Variants in ITPKB observed in about 807,000 individuals in gnomAD.
ITPKB encodes the protein IP3 3-kinase B.
A neutral mutation model predicts 69.4 loss-of-function variants in ITPKB; 13 were observed. The observed-to-expected ratio is 0.19, with a 90% CI of 0.12 to 0.30. ITPKB has a LOEUF of 0.30. ITPKB is among the 10% of genes least tolerant of loss of function. The pLI is 1.00. For missense variants in ITPKB, 1,240 were observed against 1,250.5 expected, an observed-to-expected ratio of 0.99 and a Z score of 0.13; for synonymous variants, 584 against 513.7, an observed-to-expected ratio of 1.14 and a Z score of -1.85.
At chr1:226,640,592 C>G (rs1316128566) in intron 5 of ITPKB, among the ~76,000 whole-genome samples, 1 of 152,182 alleles carries the variant, frequency 6.6e-6, no homozygotes, top group Non-Finnish European at 1.5e-5. Flanking sequence ...GTCGGCTGTT[C>G]TGACGGCTGG....
At chr1:226,670,012 T>A (rs1052663208) in intron 2 of ITPKB, among the ~76,000 whole-genome samples, 5 of 151,562 alleles carry the variant, frequency 3.3e-5, no homozygotes, top group Admixed American at 2.0e-4. Context: ...TAGCCTGGAC[T>A]AGAAGATGCA....
intron 2 of ITPKB, among the ~76,000 whole-genome samples, chr1:226,650,591 C>T (rs973112331): frequency 2.6e-5 from 4 of 152,232 alleles, no homozygotes; most frequent in South Asian, 2.1e-4. Context: ...CTCGTGGGGA[C>T]GCCCCTGCTC....
At chr1:226,674,229 T>G (rs566888873) in intron 2 of ITPKB, among the ~76,000 whole-genome samples, 4 of 151,986 alleles carry the variant, frequency 2.6e-5, no homozygotes, top group Admixed American at 2.6e-4. Context: ...TGAGACAGAG[T>G]CTCACTGTTG....
intron 2 of ITPKB, among the ~76,000 whole-genome samples, chr1:226,730,338 G>A (rs1277999340): frequency 6.6e-6 from 1 of 152,204 alleles, no homozygotes; most frequent in Non-Finnish European, 1.5e-5. Context: ...ATCCCAAACA[G>A]GCAGCTGCCA....
intron 2 of ITPKB, among the ~76,000 whole-genome samples, chr1:226,726,011 A>T (rs907291774): frequency 6.6e-6 from 1 of 152,182 alleles, no homozygotes; most frequent in African/African-American, 2.4e-5. Context: ...CTTTTTGTAA[A>T]AAAGCAAAGT....
intron 2 of ITPKB, among the ~76,000 whole-genome samples, chr1:226,721,820 T>C (rs1204570392): frequency 2.0e-5 from 3 of 146,792 alleles, no homozygotes; most frequent in African/African-American, 7.6e-5. Flanking sequence ...TTCTTTCTTT[T>C]TTTTTTTCTT....
intron 2 of ITPKB, among the ~76,000 whole-genome samples, chr1:226,719,878 G>A (rs1657191045): frequency 6.6e-6 from 1 of 152,226 alleles, no homozygotes; most frequent in Non-Finnish European, 1.5e-5. Flanking sequence ...TTCTCCCTGT[G>A]GGAGGCAGGC....
At chr1:226,718,272 C>T (rs1657143610) in intron 2 of ITPKB, among the ~76,000 whole-genome samples, 1 of 133,406 alleles carries the variant, frequency 7.5e-6, no homozygotes, top group East Asian at 2.2e-4. Context: ...CCAGCCTGAG[C>T]GACAGAGCAA....
intron 2 of ITPKB, among the ~76,000 whole-genome samples, chr1:226,685,191 GA>G (rs1392921070): frequency 6.6e-6 from 1 of 152,218 alleles, no homozygotes; most frequent in Non-Finnish European, 1.5e-5. Flanking sequence ...TCCATCTGCG[GA>G]CGCCCCTTTC....
At chr1:226,705,529 CAA>C (rs11290798) in intron 2 of ITPKB, among the ~76,000 whole-genome samples, 165 of 120,442 alleles carry the variant, frequency 1.4e-3, no homozygotes, top group Middle Eastern at 4.3e-3. Flanking sequence ...AACGCCATCT[CAA>C]AAAAAAAAAA....
chr1:226,657,835 G>A (rs1450863232), intron 2 of ITPKB, among the ~76,000 whole-genome samples: 1 of 152,160 alleles, frequency 6.6e-6, no homozygotes, highest in Non-Finnish European at 1.5e-5. Flanking sequence ...ATCTCTCTCG[G>A]ACCTGGGGCT....
intron 2 of ITPKB, among the ~76,000 whole-genome samples, chr1:226,689,854 A>C (rs1038336739): frequency 6.6e-6 from 1 of 152,102 alleles, no homozygotes; most frequent in East Asian, 1.9e-4. Flanking sequence ...CCCACTTATA[A>C]TAACATGCAG....
chr1:226,728,584 T>C (rs1657491690), intron 2 of ITPKB, among the ~76,000 whole-genome samples: 1 of 152,230 alleles, frequency 6.6e-6, no homozygotes, highest in Non-Finnish European at 1.5e-5. Flanking sequence ...TGGTGTGCAG[T>C]GTGCACTTCT....
rs543507825 is a variant in ITPKB, at chr1:226,677,068, G to C, written c.1933-28297C>G. Among the ~76,000 whole-genome samples the C allele has an allele frequency of 2.4e-4, 37 of 152,296 alleles. No individual in the cohort carries two copies. In the South Asian group the frequency reaches 3.3e-3, roughly 14 times the overall value. The stretch of plus-strand genomic sequence containing the variant: ...TCCTCCCAGAGCCCAGGCTAGCTTG[G>C]AAGCCTGGAGCAATTTGAAACGCCG... On this transcript the variant is annotated intron_variant, in intron 2 of 7. Coordinates refer to ENST00000429204, the MANE Select transcript of ITPKB (RefSeq NM_002221.4).
chr1:226,708,808 G>A (rs1656874034), intron 2 of ITPKB, among the ~76,000 whole-genome samples: 1 of 152,272 alleles, frequency 6.6e-6, no homozygotes, highest in Non-Finnish European at 1.5e-5. Context: ...CTACTGGGTT[G>A]CAGTTTTCTG....
At position 226,639,568 on chromosome 1, in the gene ITPKB, G is replaced by A. The variant is rs549936621; in HGVS notation, c.2542C>T (p.His848Tyr). The A allele has an allele frequency of 1.2e-6, 2 of 1,607,100 alleles. No individual in the cohort carries two copies. Among genetic ancestry groups the A allele is most frequent in the South Asian group, 2.2e-5 (2 of 90,920 alleles). ...GGTGCCAGACTCACCAGGATGTTAT[G>A]GTTTCCTTTAGTGAACTCTCTGAAG... The part of the protein sequence containing the change: ...EAFREFTKGN[H>Y]NILIAYRDRL... Residue 848 changes from histidine to tyrosine, a missense_variant, in exon 6 of 8, where the codon CAT becomes TAT. Around this residue, in one of 2 missense-constraint regions of ITPKB, gnomAD observed 248 missense variants for 396.7 expected, o/e 0.63. Transcript: ENST00000429204.
chr1:226,705,567 T>C (rs1417902690), intron 2 of ITPKB, among the ~76,000 whole-genome samples: 2 of 152,018 alleles, frequency 1.3e-5, no homozygotes, highest in African/African-American at 4.8e-5. Flanking sequence ...AGCTTCTGAT[T>C]TTCTCCCTCC....
Position 226,735,756 on chromosome 1 carries a change from G to C in ITPKB, c.1703C>G (p.Ala568Gly). Residue 568 changes from alanine (A) to glycine (G), a missense_variant, in exon 2 of 8, where the codon GCT (alanine) becomes GGT (glycine). Physicochemically the swap from Ala to Gly is moderately conservative, Grantham distance 60. Coordinates refer to ENST00000429204, the MANE Select transcript of ITPKB (RefSeq NM_002221.4). ...GGTGCCCATGTCTGTAATGATGACA[G>C]CAGGTATGTTGCTGGGGCTGCAGGC... ...RKACSPSNIP[A>G]VIITDMGTQE... 3 of 1,597,132 alleles carry C rather than the reference G, an allele frequency of 1.9e-6. No individual in the cohort carries two copies. Among genetic ancestry groups the C allele is most frequent in the Non-Finnish European group, 2.6e-6 (3 of 1,167,708 alleles).
Position 226,736,914 on chromosome 1 carries a change from C to T in ITPKB, c.545G>A (p.Ser182Asn), listed in dbSNP as rs1657795692. 3 of 1,610,484 alleles carry T rather than the reference C, an allele frequency of 1.9e-6. No homozygotes were observed. The highest frequency in any genetic ancestry group is 1.7e-6 in the Non-Finnish European group (2 of 1,180,006). Residue 182 changes from serine (S) to asparagine (N), a missense_variant, in exon 2 of 8, where the codon AGC becomes AAC. Physicochemically the swap from Ser to Asn is conservative, Grantham distance 46 (BLOSUM62 1). Transcript: ENST00000429204. Reference protein sequence around the residue: ...ARSPSPCPFRSSSQPPGRVLV... With the variant: ...ARSPSPCPFRNSSQPPGRVLV... ...GACCCTTCCAGGGGGCTGACTGCTG[C>T]TGCGGAAGGGGCACGGGGAGGGCGA...
Sources: gnomAD v4.1 joint callset for allele counts (sites outside exome capture counted in the v4.1 genomes callset) on GRCh38, gnomAD v4.1.1 for gene constraint, gnomAD v4.1.1 regional missense constraint, MANE v1.5 for transcripts, NCBI Gene and HGNC (gene_info 2026-07-23, HGNC 2026-07-21) for gene names.